The following SLC25A21 variants were observed in gnomAD, a reference collection of about 807,000 sequenced individuals.
SLC25A21 encodes solute carrier family 25 member 21.
A neutral mutation model predicts 43.8 loss-of-function variants in SLC25A21; 47 were observed. That is an observed-to-expected ratio of 1.07 (90% CI 0.85 to 1.37). The LOEUF is 1.37. Ranked by LOEUF, SLC25A21 falls within the 40% of genes most tolerant of loss-of-function variation. SLC25A21 has a pLI of 0.00. For missense variants in SLC25A21, 352 were observed against 350.2 expected (o/e 1.00, Z -0.04); for synonymous variants, 131 against 121.3 (o/e 1.08, Z -0.52).
chr14:36,930,161 G>A (rs931739294), intron 1 of SLC25A21, among the ~76,000 whole-genome samples: 1 of 152,116 alleles, frequency 6.6e-6, no homozygotes, highest in Non-Finnish European at 1.5e-5. Context: ...GGAATTCCAA[G>A]TGAGAACTGC....
intron 1 of SLC25A21, among the ~76,000 whole-genome samples, chr14:36,891,967 T>C (rs1044945275): frequency 4.6e-5 from 7 of 152,132 alleles, no homozygotes; most frequent in Admixed American, 2.0e-4. Context: ...GAAAGAGAAA[T>C]AAGCTTGTTG....
chr14:36,952,911 A>C (rs1892848744), intron 1 of SLC25A21, among the ~76,000 whole-genome samples: 1 of 152,180 alleles, frequency 6.6e-6, no homozygotes. Flanking sequence ...ATGACGGGCT[A>C]TTTACAGAGC....
chr14:36,793,002 C>A (rs1418422043), intron 3 of SLC25A21, among the ~76,000 whole-genome samples: 1 of 152,162 alleles, frequency 6.6e-6, no homozygotes. Context: ...TAATCTTTGT[C>A]TTCCTCTACT....
chr14:36,789,148 C>T (rs536907172), intron 3 of SLC25A21, among the ~76,000 whole-genome samples: 115 of 152,028 alleles, frequency 7.6e-4, no homozygotes, highest in African/African-American at 2.6e-3. Flanking sequence ...ATTAACTTGA[C>T]GACAGAAATA....
intron 1 of SLC25A21, among the ~76,000 whole-genome samples, chr14:37,100,675 T>C (rs1962800316): frequency 6.6e-6 from 1 of 152,216 alleles, no homozygotes; most frequent in African/African-American, 2.4e-5. Context: ...CCCTATGGAC[T>C]ACATCTAGAT....
intron 1 of SLC25A21, among the ~76,000 whole-genome samples, chr14:37,142,695 G>A (rs1291271455): frequency 6.6e-6 from 1 of 152,176 alleles, no homozygotes; most frequent in South Asian, 2.1e-4. Context: ...ATGAATAGAA[G>A]TGACAGAAGA....
chr14:36,954,492 T>A (rs181901920), intron 1 of SLC25A21, among the ~76,000 whole-genome samples: 2 of 140,840 alleles, frequency 1.4e-5, no homozygotes. Context: ...TACATACATA[T>A]ATATATATAA....
At chr14:37,164,285 C>A (rs1364031505) in intron 1 of SLC25A21, among the ~76,000 whole-genome samples, 1 of 152,074 alleles carries the variant, frequency 6.6e-6, no homozygotes, top group African/African-American at 2.4e-5. Flanking sequence ...AAAATACATC[C>A]TTTAAAGGTA....
intron 1 of SLC25A21, among the ~76,000 whole-genome samples, chr14:37,043,692 T>C (rs1160204051): frequency 6.6e-6 from 1 of 152,100 alleles, no homozygotes; most frequent in Non-Finnish European, 1.5e-5. Flanking sequence ...GCAGCACTCA[T>C]CATCCTTTCT....
intron 7 of SLC25A21, among the ~76,000 whole-genome samples, chr14:36,698,957 C>T (rs920017594): frequency 6.6e-6 from 1 of 152,166 alleles, no homozygotes; most frequent in African/African-American, 2.4e-5. Context: ...CAGCTTTGTT[C>T]TGTTGCTGGC....
intron 1 of SLC25A21, among the ~76,000 whole-genome samples, chr14:37,034,781 G>A (rs1172305934): frequency 6.6e-6 from 1 of 152,192 alleles, no homozygotes; most frequent in Non-Finnish European, 1.5e-5. Flanking sequence ...CAGGGCACAG[G>A]TGAAAAGTGG....
At chr14:36,857,867 G>A (rs1217805929) in intron 2 of SLC25A21, among the ~76,000 whole-genome samples, 1 of 152,192 alleles carries the variant, frequency 6.6e-6, no homozygotes, top group African/African-American at 2.4e-5. Context: ...GTCAACAATT[G>A]CAAGTGAACA....
intron 1 of SLC25A21, among the ~76,000 whole-genome samples, chr14:37,040,076 T>C (rs1961413514): frequency 6.6e-6 from 1 of 151,000 alleles, no homozygotes; most frequent in Non-Finnish European, 1.5e-5. Context: ...GGCAGGCACC[T>C]GTAATCCCAG....
At chr14:36,781,007 C>T (rs1887037692) in intron 3 of SLC25A21, among the ~76,000 whole-genome samples, 1 of 152,074 alleles carries the variant, frequency 6.6e-6, no homozygotes, top group Non-Finnish European at 1.5e-5. Flanking sequence ...AGATGCTCTA[C>T]TGTTGGCTGA....
intron 3 of SLC25A21, among the ~76,000 whole-genome samples, chr14:36,756,296 G>A (rs1474334532): frequency 6.6e-6 from 1 of 152,164 alleles, no homozygotes; most frequent in African/African-American, 2.4e-5. Context: ...ATGTTCGGCC[G>A]CCTCCTTCTG....
chr14:36,833,048 A>G (rs1241127460), intron 2 of SLC25A21, among the ~76,000 whole-genome samples: 1 of 152,016 alleles, frequency 6.6e-6, no homozygotes, highest in African/African-American at 2.4e-5. Flanking sequence ...TTTTCAGTCT[A>G]TCTATAAAGT....
chr14:36,779,730 G>A (rs955667054), intron 3 of SLC25A21, among the ~76,000 whole-genome samples: 3 of 148,564 alleles, frequency 2.0e-5, no homozygotes, highest in Admixed American at 6.8e-5. Flanking sequence ...TGTTATCTTG[G>A]CTATTGTGAA....
At chr14:36,953,147 T>G (rs2138664312) in intron 1 of SLC25A21, among the ~76,000 whole-genome samples, 1 of 152,360 alleles carries the variant, frequency 6.6e-6, no homozygotes, top group Non-Finnish European at 1.5e-5. Context: ...GATAACAAGA[T>G]GTACTATAAG....
chr14:37,082,810 T>C (rs1260579590), intron 1 of SLC25A21, among the ~76,000 whole-genome samples: 2 of 152,186 alleles, frequency 1.3e-5, no homozygotes, highest in South Asian at 4.1e-4. Context: ...ATTTTTCCAA[T>C]GGAAATTAGG....
Sources: allele counts gnomAD v4.1 joint callset (sites outside exome capture counted in the v4.1 genomes callset), GRCh38; gene constraint gnomAD v4.1.1; transcripts MANE v1.5; gene names NCBI Gene and HGNC (gene_info 2026-07-23, HGNC 2026-07-21).